HS6ST2: variants seen among roughly 807,000 people sequenced by gnomAD.
HS6ST2 encodes heparan-sulfate 6-O-sulfotransferase 2.
Under a neutral mutation model 33.0 loss-of-function variants are expected in HS6ST2, and 17 were observed. The observed-to-expected ratio is 0.52, with a 90% confidence interval of 0.35 to 0.77. The LOEUF is 0.77. Ranked by LOEUF, HS6ST2 falls within the 30% of genes least tolerant of loss-of-function variation. The pLI is 0.01. For missense variants in HS6ST2, 519 were observed against 551.7 expected, an observed-to-expected ratio of 0.94 and a Z score of 0.59; for synonymous variants, 248 against 237.1, an observed-to-expected ratio of 1.05 and a Z score of -0.42.
intron 2 of HS6ST2, among the ~76,000 whole-genome samples, chrX:132,952,339 G>T (rs764855575): frequency 1.0e-5 from 1 of 95,671 alleles, no homozygotes; most frequent in Non-Finnish European, 2.1e-5. Context: ...GACAGCTGAA[G>T]AAATGTATCC....
At chrX:132,751,682 A>G (rs2064708785) in intron 2 of HS6ST2, among the ~76,000 whole-genome samples, 1 of 112,385 alleles carries the variant, frequency 8.9e-6, no homozygotes, top group African/African-American at 3.2e-5. Flanking sequence ...GAAAACCATC[A>G]TTTTTCACAC....
chrX:132,941,468 A>G (rs1020044436), intron 2 of HS6ST2, among the ~76,000 whole-genome samples: 1 of 112,393 alleles, frequency 8.9e-6, no homozygotes, highest in Non-Finnish European at 1.9e-5. Context: ...AGACCACTGG[A>G]TTAAATAGAA....
chrX:132,915,691 T>C lies in HS6ST2; in HGVS notation c.947+41117A>G, dbSNP rs139786074. ...GAATATAAAATTGTTCTGTAAAATG[T>C]TAAGGGCTATAGTAACATAAAATGT... On this transcript the variant is annotated intron_variant, in intron 2 of 4. Transcript: ENST00000370833. 3.1e-3 allele frequency among the ~76,000 whole-genome samples: 343 copies of C among 111,008 alleles called. 2 individuals carry two copies. Among genetic ancestry groups the C allele is most frequent in the African/African-American group, 0.011 (324 of 30,539 alleles).
intron 2 of HS6ST2, among the ~76,000 whole-genome samples, chrX:132,791,119 C>A (rs1308161861): frequency 9.0e-6 from 1 of 110,951 alleles, no homozygotes; most frequent in Non-Finnish European, 1.9e-5. Context: ...TGCATTCCAG[C>A]CTGGGTGATA....
At chrX:132,648,836 A>C (rs138896784) in intron 4 of HS6ST2, among the ~76,000 whole-genome samples, 163 of 111,988 alleles carry the variant, frequency 1.5e-3, no homozygotes, top group Middle Eastern at 0.014. Flanking sequence ...AGTGGCAAAC[A>C]AACAACTAAT....
intron 2 of HS6ST2, among the ~76,000 whole-genome samples, chrX:132,712,137 T>C (rs1956828043): frequency 8.9e-6 from 1 of 111,953 alleles, no homozygotes; most frequent in South Asian, 3.8e-4. Context: ...CCATTCAACC[T>C]CTCTGCTTTC....
intron 2 of HS6ST2, among the ~76,000 whole-genome samples, chrX:132,918,413 G>C (rs1176767347): frequency 2.7e-5 from 3 of 112,359 alleles, no homozygotes; most frequent in Non-Finnish European, 5.6e-5. Flanking sequence ...TGATGGCATA[G>C]ACCTTGAGAG....
At chrX:132,789,612 T>A (rs1026042987) in intron 2 of HS6ST2, among the ~76,000 whole-genome samples, 1 of 112,571 alleles carries the variant, frequency 8.9e-6, no homozygotes, top group African/African-American at 3.2e-5. Context: ...AGCTGCCATA[T>A]TGATTCTGAT....
intron 2 of HS6ST2, among the ~76,000 whole-genome samples, chrX:132,780,868 C>T (rs762288868): frequency 8.9e-6 from 1 of 112,031 alleles, no homozygotes; most frequent in South Asian, 3.8e-4. Flanking sequence ...CTAGCTGAAG[C>T]TGAGCCTTGA....
At chrX:132,848,567 A>G (rs1390160858) in intron 2 of HS6ST2, among the ~76,000 whole-genome samples, 1 of 111,866 alleles carries the variant, frequency 8.9e-6, no homozygotes, top group Non-Finnish European at 1.9e-5. Context: ...GTTTTCATAG[A>G]TGAGCGCCAT....
intron 2 of HS6ST2, among the ~76,000 whole-genome samples, chrX:132,840,125 T>A (rs1025527904): frequency 7.2e-5 from 8 of 110,664 alleles, no homozygotes; most frequent in African/African-American, 2.6e-4. Context: ...CAAAAAAAAA[T>A]AATAAATAAA....
At chrX:132,935,071 T>C (rs1228783445) in intron 2 of HS6ST2, among the ~76,000 whole-genome samples, 1 of 111,560 alleles carries the variant, frequency 9.0e-6, no homozygotes, top group Non-Finnish European at 1.9e-5. Context: ...CAATTATAAA[T>C]ATATATGCAG....
chrX:132,745,656 G>A (rs939303465), intron 2 of HS6ST2, among the ~76,000 whole-genome samples: 2 of 111,899 alleles, frequency 1.8e-5, no homozygotes, highest in Non-Finnish European at 3.8e-5. Context: ...TCACAGAGTT[G>A]GGGAAAATCC....
chrX:132,783,002 T>A (rs1489112306), intron 2 of HS6ST2, among the ~76,000 whole-genome samples: 1 of 111,349 alleles, frequency 9.0e-6, no homozygotes, highest in African/African-American at 3.3e-5. Flanking sequence ...AATATGTATA[T>A]CCTTTTAAAA....
intron 2 of HS6ST2, among the ~76,000 whole-genome samples, chrX:132,779,931 G>A (rs2065003898): frequency 9.0e-6 from 1 of 110,989 alleles, no homozygotes; most frequent in Admixed American, 9.6e-5. Context: ...TGCCGCCTGA[G>A]TCCCTAGCTC....
chrX:132,691,975 C>T (rs1048564660), intron 3 of HS6ST2, among the ~76,000 whole-genome samples: 1 of 112,047 alleles, frequency 8.9e-6, no homozygotes. Context: ...GGCTAAAACC[C>T]ATCGGGTGAA....
At chrX:132,910,617 A>G (rs769404762) in intron 2 of HS6ST2, among the ~76,000 whole-genome samples, 5 of 112,045 alleles carry the variant, frequency 4.5e-5, no homozygotes, top group Non-Finnish European at 9.4e-5. Flanking sequence ...AGAAAGAAGA[A>G]TGGTAGGCAT....
intron 2 of HS6ST2, among the ~76,000 whole-genome samples, chrX:132,790,702 A>G (rs923520057): frequency 3.6e-5 from 4 of 112,365 alleles, no homozygotes; most frequent in Non-Finnish European, 7.5e-5. Flanking sequence ...ATGCTTTGCA[A>G]CCAAAAATGA....
rs1356726631 is a variant in HS6ST2, at chrX:132,716,614, G to T, written c.948-8120C>A. 8.0e-5 allele frequency among the ~76,000 whole-genome samples: 9 copies of T among 111,937 alleles called. No individual in the cohort carries two copies. The East Asian group carries it at 2.2e-3, about 28-fold the overall frequency. ...GCAAGCACCTGTATTTGTATGGTAG[G>T]TTCCAGTGATGCATTTCAGTTTGAT... On this transcript the variant is annotated intron_variant, in intron 2 of 4. Transcript: ENST00000370833.
Sources: gnomAD v4.1 joint callset for allele counts (sites outside exome capture counted in the v4.1 genomes callset) on GRCh38, gnomAD v4.1.1 for gene constraint, MANE v1.5 for transcripts, NCBI Gene and HGNC (gene_info 2026-07-23, HGNC 2026-07-21) for gene names.